ABCB5: variants seen among roughly 807,000 people sequenced by gnomAD.
The protein encoded by ABCB5 is ATP binding cassette subfamily B member 5, also known as ATP-binding cassette sub-family B member 5.
A neutral mutation model predicts 144.2 loss-of-function variants in ABCB5; 155 were observed. The ratio of observed to expected loss-of-function variants is 1.08; its 90% confidence interval spans 0.94 to 1.23. ABCB5 has a LOEUF of 1.23. Among genes scored for constraint, ABCB5 ranks in the 50% most tolerant of loss-of-function variants. The pLI is 0.00. For missense variants in ABCB5, 1,830 were observed against 1,520.8 expected (o/e 1.20, Z -3.38); for synonymous variants, 610 against 528.6 (o/e 1.15, Z -2.11).
chr7:20,669,183 G>C (rs1201813853), intron 14 of ABCB5, among the ~76,000 whole-genome samples: 1 of 148,184 alleles, frequency 6.7e-6, no homozygotes, highest in Admixed American at 6.7e-5. Flanking sequence ...CTACTGGGAA[G>C]TGAGGAGCCC....
chr7:20,707,873 G>T (rs907977638), intron 20 of ABCB5, among the ~76,000 whole-genome samples: 2 of 144,212 alleles, frequency 1.4e-5, no homozygotes, highest in Non-Finnish European at 3.0e-5. Flanking sequence ...GCGCGATCTC[G>T]GCTCACTGCA....
chr7:20,691,876 T>C (rs1786243306), intron 16 of ABCB5, among the ~76,000 whole-genome samples: 1 of 151,866 alleles, frequency 6.6e-6, no homozygotes, highest in African/African-American at 2.4e-5. Context: ...AAATTTACAA[T>C]GTCTGGCATC....
In ABCB5 at chr7:20,708,394, T is replaced by C. The variant is rs148448368; in HGVS notation, c.2421+3587T>C. Among the ~76,000 whole-genome samples, 1,416 of 152,202 alleles carry C rather than the reference T, an allele frequency of 9.3e-3. 25 individuals carry two copies. The highest frequency in any genetic ancestry group is 0.033 in the African/African-American group (1,365 of 41,528). On this transcript the variant is annotated intron_variant, in intron 20 of 27. Coordinates refer to ENST00000404938, the MANE Select transcript of ABCB5 (RefSeq NM_001163941.2). ...TGGCTCACATCAGTAATCCCAGTAA[T>C]TCAGGAGGCCAAGGCAGGAGGATCG...
At chr7:20,708,331 G>A (rs574315212) in intron 20 of ABCB5, among the ~76,000 whole-genome samples, 64 of 152,166 alleles carry the variant, frequency 4.2e-4, no homozygotes, top group Admixed American at 9.2e-4. Flanking sequence ...AGTGGTTAAG[G>A]ACGGCTCTTT....
chr7:20,754,282 C>G (rs1336748362), intron 27 of ABCB5, among the ~76,000 whole-genome samples: 2 of 152,170 alleles, frequency 1.3e-5, no homozygotes, highest in African/African-American at 4.8e-5. Context: ...TTAATCCACC[C>G]ATGATTGCTG....
At chr7:20,694,969 A>T (rs1786357777) in intron 16 of ABCB5, among the ~76,000 whole-genome samples, 1 of 152,012 alleles carries the variant, frequency 6.6e-6, no homozygotes, top group Non-Finnish European at 1.5e-5. Context: ...AAATTAAAAG[A>T]TATTTTCAAT....
At chr7:20,742,632 A>C (rs960688951) in intron 24 of ABCB5, among the ~76,000 whole-genome samples, 2 of 152,238 alleles carry the variant, frequency 1.3e-5, no homozygotes, top group Non-Finnish European at 2.9e-5. Context: ...GAAGGAAGCA[A>C]GTGGTTTTTA....
intron 23 of ABCB5, 126 bp downstream of exon 23, chr7:20,728,581 C>G: frequency 9.0e-7 from 1 of 1,110,240 alleles, no homozygotes; most frequent in South Asian, 1.8e-5. Flanking sequence ...TAATAAAACC[C>G]CATCTCTACT....
chr7:20,629,024 C>A (rs901935893), intron 4 of ABCB5, among the ~76,000 whole-genome samples, 186 bp downstream of exon 4: 2 of 151,698 alleles, frequency 1.3e-5, no homozygotes, highest in African/African-American at 4.8e-5. Context: ...CCACAGAGGT[C>A]TATAATTGAA....
At chr7:20,659,115 C>G (rs1023723099) in intron 14 of ABCB5, 2 of 1,613,978 alleles carry the variant, frequency 1.2e-6, no homozygotes, top group Admixed American at 3.3e-5. Context: ...AGTGGAGAAT[C>G]GCTGACCTTG....
chr7:20,672,096 C>A (rs969676862), intron 14 of ABCB5, among the ~76,000 whole-genome samples: 1 of 152,096 alleles, frequency 6.6e-6, no homozygotes, highest in African/African-American at 2.4e-5. Context: ...TATTAACCAT[C>A]CACATTTTTT....
chr7:20,723,636 T>C (rs1490481083), intron 21 of ABCB5, among the ~76,000 whole-genome samples: 1 of 152,244 alleles, frequency 6.6e-6, no homozygotes, highest in East Asian at 1.9e-4. Context: ...CTTAGAACAG[T>C]GTCTGGAAGA....
At chr7:20,680,974 CTTT>C (rs1390646371) in intron 14 of ABCB5, among the ~76,000 whole-genome samples, 3 of 10,892 alleles carry the variant, frequency 2.8e-4, no homozygotes, top group African/African-American at 1.3e-3. Flanking sequence ...CTTTCTTTTT[CTTT>C]CTTTCTTTCT....
At chr7:20,708,215 G>T (rs943920171) in intron 20 of ABCB5, among the ~76,000 whole-genome samples, 1 of 152,158 alleles carries the variant, frequency 6.6e-6, no homozygotes, top group African/African-American at 2.4e-5. Context: ...ACAGCATAAG[G>T]TTGGCGTATA....
intron 13 of ABCB5, among the ~76,000 whole-genome samples, chr7:20,655,335 T>C (rs1029883397): frequency 2.0e-5 from 3 of 152,036 alleles, no homozygotes; most frequent in Non-Finnish European, 4.4e-5. Flanking sequence ...TAGCTGGGTG[T>C]GGTGGTGCAC....
At chr7:20,683,330 A>C (rs920691744) in intron 15 of ABCB5, among the ~76,000 whole-genome samples, 24 of 152,202 alleles carry the variant, frequency 1.6e-4, no homozygotes, top group African/African-American at 5.1e-4. Context: ...CAAAAATAAA[A>C]GTGAGGTGTT....
chr7:20,715,487 T>C (rs1360479011), intron 20 of ABCB5, among the ~76,000 whole-genome samples: 1 of 152,124 alleles, frequency 6.6e-6, no homozygotes, highest in Non-Finnish European at 1.5e-5. Context: ...CCTAGTTCAC[T>C]GCAACCTCAA....
chr7:20,702,527 C>T (rs1786662769), intron 19 of ABCB5, among the ~76,000 whole-genome samples: 1 of 152,100 alleles, frequency 6.6e-6, no homozygotes, highest in African/African-American at 2.4e-5. Context: ...CAACAAACCC[C>T]CATGACACAA....
chr7:20,627,793 T>G (rs1368941953), intron 3 of ABCB5, among the ~76,000 whole-genome samples: 1 of 152,240 alleles, frequency 6.6e-6, no homozygotes, highest in Non-Finnish European at 1.5e-5. Flanking sequence ...CTCTGGTCAC[T>G]GCACTTAGCC....
Sources: allele counts gnomAD v4.1 joint callset (sites outside exome capture counted in the v4.1 genomes callset), GRCh38; gene constraint gnomAD v4.1.1; transcripts MANE v1.5; gene names NCBI Gene and HGNC (gene_info 2026-07-23, HGNC 2026-07-21).